PLB1: variants seen among roughly 807,000 people sequenced by gnomAD.
The protein encoded by PLB1 is phospholipase B1, also known as phospholipase B1, membrane-associated.
PLB1 carries 242 observed loss-of-function variants against 227.4 expected under a neutral mutation model. That is an observed-to-expected ratio of 1.06 (90% CI 0.96 to 1.18). The LOEUF (loss-of-function observed/expected upper bound fraction) is 1.18. Among genes scored for constraint, PLB1 ranks in the 50% most tolerant of loss-of-function variants. PLB1 has a pLI of 0.00. For missense variants in PLB1, 1,858 were observed against 1,816.3 expected, an observed-to-expected ratio of 1.02 and a Z score of -0.42; for synonymous variants, 757 against 682.2, an observed-to-expected ratio of 1.11 and a Z score of -1.71.
At chr2:28,543,338 G>A (rs1325698827) in intron 14 of PLB1, 70 bp downstream of exon 14, 13 of 1,516,820 alleles carry the variant, frequency 8.6e-6, no homozygotes, top group East Asian at 4.7e-5. Context: ...TGAGCCCACC[G>A]TGCTGAGGAG....
chr2:28,541,415 G>A (rs1672465015), intron 12 of PLB1, among the ~76,000 whole-genome samples: 3 of 152,322 alleles, frequency 2.0e-5, no homozygotes, highest in Non-Finnish European at 1.5e-5. Context: ...GAAGAGAGCA[G>A]GGGGCCCTGC....
intron 43 of PLB1, 50 bp downstream of exon 43, chr2:28,606,617 G>A (rs371940657): frequency 3.2e-6 from 5 of 1,546,128 alleles, no homozygotes; most frequent in Non-Finnish European, 4.5e-6. Flanking sequence ...AGGGCACACA[G>A]CTCGCCCTAC....
intron 37 of PLB1, 101 bp downstream of exon 37, chr2:28,601,433 T>C: frequency 1.1e-6 from 1 of 879,518 alleles, no homozygotes. Context: ...ATCCTAGGAT[T>C]ATCCACCTAC....
chr2:28,518,399 G>C lies in PLB1; in HGVS notation c.118-67G>C, dbSNP rs533919689. ...GAGTACATGATCATTTCTACACCAA[G>C]TTTTCAGGACCTGCAATATTTCTAT... On this transcript the variant is annotated intron_variant, in intron 2 of 57. Transcript: ENST00000327757. 3.2e-6 allele frequency: 4 copies of C among 1,257,204 alleles called. No homozygotes were observed. In the South Asian group the frequency reaches 3.6e-5, roughly 11 times the overall value. The allele number at this position is 1,257,204 out of a possible 1,614,324, so 77.9% of individuals were successfully genotyped here. A position where few individuals can be genotyped will look rare whatever the true frequency, so the allele number is the denominator to read the frequency against.
chr2:28,571,278 G>T (rs1227624081), intron 20 of PLB1, among the ~76,000 whole-genome samples: 2 of 152,092 alleles, frequency 1.3e-5, no homozygotes, highest in East Asian at 3.9e-4. Context: ...TCGCTTTTAA[G>T]ATCACAAAAC....
Position 28,625,100 on chromosome 2 carries a change from A to C in PLB1, c.3571A>C (p.Asn1191His). 6.2e-7 allele frequency: 1 copy of C among 1,613,152 alleles called. No homozygotes were observed. Among genetic ancestry groups the C allele is most frequent in the Non-Finnish European group, 8.5e-7 (1 of 1,179,516 alleles). ...CTGGGACCTGGTAGAGCGAATGAAA[A>C]ACAGCCCCGTGAGTACAGGCCCCCA... The part of the protein sequence containing the change: ...QAWDLVERMK[N>H]SPDINLEKDW... Residue 1191 changes from asparagine (N) to histidine (H), a missense_variant, in exon 50 of 58, where the codon AAC becomes CAC. Transcript: ENST00000327757.
intron 1 of PLB1, among the ~76,000 whole-genome samples, chr2:28,508,243 C>T (rs1387264594): frequency 6.6e-6 from 1 of 152,194 alleles, no homozygotes. Context: ...TTGCTAGCCT[C>T]TCTGGATCTA....
At chr2:28,586,244 C>T (rs1032017468) in intron 26 of PLB1, among the ~76,000 whole-genome samples, 4 of 152,146 alleles carry the variant, frequency 2.6e-5, no homozygotes, top group East Asian at 3.9e-4. Flanking sequence ...GGGTGGGAAA[C>T]GGAGGCTGAA....
At chr2:28,635,950 G>T (rs1210659830) in intron 56 of PLB1, among the ~76,000 whole-genome samples, 4 of 152,102 alleles carry the variant, frequency 2.6e-5, no homozygotes, top group Non-Finnish European at 4.4e-5. Context: ...GTGACTCTCA[G>T]CTCTGGCTGC....
In PLB1 at chr2:28,629,198, G is replaced by A; in HGVS notation, c.3818+13G>A. The A allele has an allele frequency of 1.9e-6, 3 of 1,611,988 alleles. No homozygotes were observed. The highest frequency in any genetic ancestry group is 2.5e-6 in the Non-Finnish European group (3 of 1,179,006). The stretch of plus-strand genomic sequence containing the variant: ...TGCTGGCAGCTCAGTAAGTGGACAG[G>A]TCACCGTCCCAAGGCAAGGGCACCT... On this transcript the variant is annotated intron_variant, in intron 53 of 57. Coordinates refer to ENST00000327757, the MANE Select transcript of PLB1 (RefSeq NM_153021.5).
Position 28,643,091 on chromosome 2 carries a change from C to A in PLB1, c.*30C>A. On this transcript the variant is annotated 3_prime_UTR_variant, in exon 58 of 58. Transcript: ENST00000327757. ...GGGGGTGGGTCCTCACCCTAAACTC[C>A]CTATAGCCACTCTCTTCACCGCCCT... 6.5e-7 allele frequency: 1 copy of A among 1,535,486 alleles called. No individual in the cohort carries two copies. The highest frequency in any genetic ancestry group is 8.8e-7 in the Non-Finnish European group (1 of 1,134,448).
At chr2:28,522,309 C>T (rs1669625690) in intron 4 of PLB1, among the ~76,000 whole-genome samples, 1 of 151,928 alleles carries the variant, frequency 6.6e-6, no homozygotes, top group South Asian at 2.1e-4. Context: ...ACTGTAGGCC[C>T]ACTGAAAGCA....
chr2:28,642,837 A>C (rs1573635098), intron 57 of PLB1, 21 bp from the exon 58 acceptor site: 4 of 1,553,900 alleles, frequency 2.6e-6, no homozygotes, highest in Non-Finnish European at 8.8e-7. Flanking sequence ...CTTTCCACTG[A>C]CCCCCGCTCC....
chr2:28,617,372 G>A (rs1032963345), intron 44 of PLB1, among the ~76,000 whole-genome samples: 6 of 152,190 alleles, frequency 3.9e-5, no homozygotes, highest in Non-Finnish European at 8.8e-5. Context: ...CAAATGCTGT[G>A]TTCCTTTGGG....
At chr2:28,599,554 C>T (rs776130684) in intron 35 of PLB1, among the ~76,000 whole-genome samples, 2 of 152,150 alleles carry the variant, frequency 1.3e-5, no homozygotes, top group Non-Finnish European at 2.9e-5. Flanking sequence ...AGGTCTATAA[C>T]GGGGCCCTGA....
chr2:28,605,561 C>T (rs1026904676), intron 41 of PLB1, among the ~76,000 whole-genome samples: 2 of 152,148 alleles, frequency 1.3e-5, no homozygotes, highest in Admixed American at 6.5e-5. Flanking sequence ...TCATCTGTGG[C>T]ATGGCCTCGG....
intron 33 of PLB1, 104 bp downstream of exon 33, chr2:28,593,858 C>A: frequency 1.0e-6 from 1 of 1,000,466 alleles, no homozygotes; most frequent in Non-Finnish European, 1.5e-6. Flanking sequence ...AAGACTTGGT[C>A]TGGAAGGGGC....
chr2:28,594,645 C>T (rs1682596780), intron 33 of PLB1: 1 of 152,500 alleles, frequency 6.6e-6, no homozygotes, highest in Non-Finnish European at 1.5e-5. Context: ...GATGGGTTTC[C>T]AGGGCGAGAG....
intron 41 of PLB1, 98 bp from the exon 42 acceptor site, chr2:28,605,755 A>G: frequency 1.1e-6 from 1 of 873,214 alleles, no homozygotes; most frequent in Non-Finnish European, 1.9e-6. Context: ...ACTCCAGGGG[A>G]AGGAAGGTGT....
Sources: gnomAD v4.1 joint callset for allele counts (sites outside exome capture counted in the v4.1 genomes callset) on GRCh38, gnomAD v4.1.1 for gene constraint, MANE v1.5 for transcripts, NCBI Gene and HGNC (gene_info 2026-07-23, HGNC 2026-07-21) for gene names.